The following VPS13A variants were observed in gnomAD, a reference collection of about 807,000 sequenced individuals.
VPS13A encodes the protein vacuolar protein sorting 13 homolog A, also known as intermembrane lipid transfer protein VPS13A.
VPS13A carries 264 observed loss-of-function variants against 390.9 expected under a neutral mutation model. That is an observed-to-expected ratio of 0.68 (90% CI 0.61 to 0.75). The LOEUF (loss-of-function observed/expected upper bound fraction) is 0.75. Among genes scored for constraint, VPS13A ranks in the 30% least tolerant of loss-of-function variants. The probability of loss-of-function intolerance (pLI) is 0.00; values close to 1 mark genes in which losing one functional copy is unlikely to be tolerated. For synonymous variants in VPS13A, 1,231 were observed against 1,227.1 expected (o/e 1.00, Z -0.07); for missense variants, 3,409 against 3,733.9 (o/e 0.91, Z 2.27).
At chr9:77,226,689 G>GAAATATATAATTAAAT in intron 15 of VPS13A, 91 bp downstream of exon 15, 1 of 1,176,130 alleles carries the variant, frequency 8.5e-7, no homozygotes, top group Non-Finnish European at 1.2e-6. Flanking sequence ...AATAGACATT[G>GAAATATATAATTAAAT]AAATATATTT....
At chr9:77,235,405 T>G (rs771836692) in intron 17 of VPS13A, among the ~76,000 whole-genome samples, 1 of 152,188 alleles carries the variant, frequency 6.6e-6, no homozygotes, top group Non-Finnish European at 1.5e-5. Flanking sequence ...TGAGGAGAAA[T>G]TAGCTGTTAA....
intron 17 of VPS13A, 135 bp from the exon 18 acceptor site, chr9:77,237,867 T>G (rs1353350255): frequency 1.5e-6 from 1 of 654,578 alleles, no homozygotes; most frequent in Non-Finnish European, 2.7e-6. Context: ...ATTGTATGTC[T>G]TCTTTGATGG....
At chr9:77,265,460 G>A (rs1029368775) in intron 23 of VPS13A, among the ~76,000 whole-genome samples, 14 of 152,100 alleles carry the variant, frequency 9.2e-5, no homozygotes, top group African/African-American at 3.4e-4. Flanking sequence ...ATTAATTACT[G>A]CCTCAATTTC....
At chr9:77,294,736 G>T (rs963016370) in intron 32 of VPS13A, among the ~76,000 whole-genome samples, 6 of 151,962 alleles carry the variant, frequency 3.9e-5, no homozygotes, top group Admixed American at 3.9e-4. Context: ...TTGGGTTCTT[G>T]CTCTGCAGCC....
intron 1 of VPS13A, among the ~76,000 whole-genome samples, chr9:77,183,845 A>G (rs772201123): frequency 1.3e-5 from 2 of 152,262 alleles, no homozygotes; most frequent in Non-Finnish European, 2.9e-5. Flanking sequence ...ATCCACCAAC[A>G]GGTGAATGGA....
intron 45 of VPS13A, among the ~76,000 whole-genome samples, chr9:77,330,336 T>C (rs75143139): frequency 0.015 from 2,326 of 152,280 alleles, 58 homozygotes; most frequent in African/African-American, 0.053. Flanking sequence ...TACAGACGGA[T>C]GCTTCCTTTT....
At position 77,340,192 on chromosome 9, in the gene VPS13A, A is replaced by G. The variant is rs1322192543; in HGVS notation, c.6789A>G (p.Val2263=). 6.2e-7 allele frequency: 1 copy of G among 1,613,116 alleles called. No homozygotes were observed. Among genetic ancestry groups the G allele is most frequent in the Non-Finnish European group, 8.5e-7 (1 of 1,179,592 alleles). The change falls in exon 49 of 72, where the codon GTA becomes GTG. Residue 2263 remains valine (V), a synonymous_variant. Transcript: ENST00000360280. ...TTTTTTCCTAGGTTCAACTTATGGT[A>G]ACTGATAGTGAGTTGTCCAATCAGT... ...FFNNNKVQLM[V]TDSELSNQFS... is the part of the protein sequence containing the mutation.
At chr9:77,316,532 T>G in intron 39 of VPS13A, 126 bp downstream of exon 39, 1 of 745,444 alleles carries the variant, frequency 1.3e-6, no homozygotes, top group Non-Finnish European at 2.3e-6. Context: ...TCTCTCTGCT[T>G]AGAGAGCTTA....
Position 77,178,664 on chromosome 9 carries a change from G to A in VPS13A, c.100+860G>A, listed in dbSNP as rs185762526. Among the ~76,000 whole-genome samples, 9 of 152,186 alleles carry A rather than the reference G, an allele frequency of 5.9e-5. No individual in the cohort carries two copies. In the East Asian group the frequency reaches 1.7e-3, roughly 29 times the overall value. ...AGCTTTCCTTGTGTCCGTTTAGTGT[G>A]GTATTCTGCCTTAGTGAGAGCCTCA... is the stretch of plus-strand genomic sequence containing the variant. On this transcript the variant is annotated intron_variant, in intron 1 of 71. Coordinates refer to ENST00000360280, the MANE Select transcript of VPS13A (RefSeq NM_033305.3).
At chr9:77,414,764 T>TAATAATAATAAA (rs1423448427) in intron 71 of VPS13A, among the ~76,000 whole-genome samples, 23 of 146,816 alleles carry the variant, frequency 1.6e-4, no homozygotes, top group African/African-American at 5.2e-4. Flanking sequence ...ATAATAATAA[T>TAATAATAATAAA]AATAAAAACT....
intron 47 of VPS13A, chr9:77,338,577 C>T (rs1218071261): frequency 6.6e-6 from 1 of 152,108 alleles, no homozygotes; most frequent in Non-Finnish European, 1.5e-5. Flanking sequence ...TGGTACAGTG[C>T]CTCCCAGACA....
At chr9:77,240,255 A>T (rs1001401849) in intron 19 of VPS13A, among the ~76,000 whole-genome samples, 3 of 150,352 alleles carry the variant, frequency 2.0e-5, no homozygotes, top group African/African-American at 7.3e-5. Context: ...GCTAATTTTT[A>T]AAAAAATTTT....
At chr9:77,283,283 A>T in intron 29 of VPS13A, 72 bp from the exon 30 acceptor site, 1 of 870,302 alleles carries the variant, frequency 1.1e-6, no homozygotes, top group Non-Finnish European at 1.9e-6. Flanking sequence ...TATTTCAGTT[A>T]CTTTATAAGT....
intron 22 of VPS13A, among the ~76,000 whole-genome samples, chr9:77,253,936 C>CTTTTTTTT (rs1172781069): frequency 4.7e-4 from 26 of 55,064 alleles, no homozygotes; most frequent in Middle Eastern, 0.017. Context: ...GGCCTTTATT[C>CTTTTTTTT]TTTTTTTTTT....
intron 67 of VPS13A, among the ~76,000 whole-genome samples, chr9:77,377,630 A>T (rs998061878): frequency 6.6e-6 from 1 of 151,986 alleles, no homozygotes; most frequent in Non-Finnish European, 1.5e-5. Flanking sequence ...GGTTTTGTGG[A>T]TTCTTTTGGG....
intron 10 of VPS13A, 117 bp downstream of exon 10, chr9:77,214,503 G>T: frequency 2.7e-6 from 2 of 734,424 alleles, no homozygotes; most frequent in South Asian, 3.4e-5. Flanking sequence ...ATAGTTAAAT[G>T]TATTTATAAT....
chr9:77,388,154 A>C (rs913964774), intron 68 of VPS13A, among the ~76,000 whole-genome samples: 1 of 152,038 alleles, frequency 6.6e-6, no homozygotes, highest in African/African-American at 2.4e-5. Context: ...CTCAAATAAT[A>C]ATGATGATGG....
At chr9:77,386,571 A>G (rs1833691941) in intron 68 of VPS13A, among the ~76,000 whole-genome samples, 1 of 152,164 alleles carries the variant, frequency 6.6e-6, no homozygotes, top group Non-Finnish European at 1.5e-5. Context: ...GTAGGATTAC[A>G]TTTATTTAAA....
At chr9:77,359,302 A>G (rs1332006826) in intron 57 of VPS13A, 31 bp from the exon 58 acceptor site, 2 of 1,592,580 alleles carry the variant, frequency 1.3e-6, no homozygotes, top group East Asian at 2.2e-5. Flanking sequence ...TTAAAGCATC[A>G]TGGGAGTAAT....
Sources: gnomAD v4.1 joint callset for allele counts (sites outside exome capture counted in the v4.1 genomes callset) on GRCh38, gnomAD v4.1.1 for gene constraint, MANE v1.5 for transcripts, NCBI Gene and HGNC (gene_info 2026-07-23, HGNC 2026-07-21) for gene names.